The following CSNK2A1 variants were observed in gnomAD, a reference collection of about 807,000 sequenced individuals.
CSNK2A1 encodes the protein casein kinase II subunit alpha.
Under a neutral mutation model 62.9 loss-of-function variants are expected in CSNK2A1, and 10 were observed. That is an observed-to-expected ratio of 0.16 (90% CI 0.10 to 0.27). The LOEUF (loss-of-function observed/expected upper bound fraction) is 0.27, where lower values mean the gene tolerates loss of function less well. CSNK2A1 is among the 10% of genes least tolerant of loss of function. CSNK2A1 has a pLI of 1.00. For missense variants in CSNK2A1, 160 were observed against 492.0 expected (o/e 0.33, Z 6.38); for synonymous variants, 124 against 167.8 (o/e 0.74, Z 2.02).
At chr20:500,172 C>A (rs900718092) in intron 4 of CSNK2A1, 3 of 469,970 alleles carry the variant, frequency 6.4e-6, no homozygotes, top group South Asian at 5.3e-5. Context: ...CCAGACACTT[C>A]TGCAGAATTA....
intron 2 of CSNK2A1, among the ~76,000 whole-genome samples, chr20:516,421 C>T (rs1420747314): frequency 6.6e-6 from 1 of 152,052 alleles, no homozygotes; most frequent in Admixed American, 6.5e-5. Flanking sequence ...AAGATCACAT[C>T]GAAGCCAACT....
At chr20:498,333 A>AACTTTT (rs2018387222) in intron 6 of CSNK2A1, 1 of 136,108 alleles carries the variant, frequency 7.3e-6, no homozygotes. Context: ...ACATGGACAT[A>AACTTTT]TCTTTTTTTT....
At chr20:500,942 A>G (rs533543155) in intron 4 of CSNK2A1, 1 of 152,158 alleles carries the variant, frequency 6.6e-6, no homozygotes, top group Middle Eastern at 3.4e-3. Flanking sequence ...TCTAAAGAGT[A>G]TTCTGCAGAG....
At chr20:507,982 G>A (rs1328249605) in intron 3 of CSNK2A1, 1 of 153,286 alleles carries the variant, frequency 6.5e-6, no homozygotes, top group Non-Finnish European at 1.5e-5. Flanking sequence ...ACGGCTCCTA[G>A]GATACAAATG....
chr20:505,936 G>C (rs2665785), intron 3 of CSNK2A1: 6 of 144,450 alleles, frequency 4.2e-5, no homozygotes, highest in Non-Finnish European at 1.5e-5. Flanking sequence ...GTGCAGTGGC[G>C]TGATCTCGGC....
intron 1 of CSNK2A1, among the ~76,000 whole-genome samples, chr20:537,333 C>A (rs1020908271): frequency 6.6e-6 from 1 of 152,130 alleles, no homozygotes; most frequent in African/African-American, 2.4e-5. Context: ...AAGAAGCTTG[C>A]CGACCATAGC....
At chr20:484,402 C>A (rs1271195501) in intron 13 of CSNK2A1, among the ~76,000 whole-genome samples, 1 of 152,206 alleles carries the variant, frequency 6.6e-6, no homozygotes. Flanking sequence ...TGACCAGTAG[C>A]CAACCACATG....
intron 2 of CSNK2A1, among the ~76,000 whole-genome samples, chr20:525,251 C>T (rs1056160211): frequency 6.6e-6 from 1 of 151,854 alleles, no homozygotes; most frequent in African/African-American, 2.4e-5. Flanking sequence ...GTTGCTCATG[C>T]CTGTAATCCC....
intron 4 of CSNK2A1, 131 bp downstream of exon 4, chr20:504,987 T>C (rs1263979115): frequency 6.8e-6 from 5 of 733,712 alleles, no homozygotes; most frequent in African/African-American, 5.4e-5. Flanking sequence ...ATTGAGTTCA[T>C]AGGATACAAT....
At chr20:509,789 C>A (rs1230596511) in intron 2 of CSNK2A1, among the ~76,000 whole-genome samples, 2 of 152,168 alleles carry the variant, frequency 1.3e-5, no homozygotes, top group Non-Finnish European at 2.9e-5. Context: ...GTTGCCCAGG[C>A]TGGTCTTGAA....
Position 499,347 on chromosome 20 carries a change from G to A in CSNK2A1, c.316-42C>T, listed in dbSNP as rs2018410524. 1.3e-6 allele frequency: 2 copies of A among 1,580,504 alleles called. No homozygotes were observed. The highest frequency in any genetic ancestry group is 1.7e-6 in the Non-Finnish European group (2 of 1,159,458). On this transcript the variant is annotated intron_variant, in intron 5 of 13. Transcript: ENST00000217244. The surrounding 1 kb of genome is among the most constrained non-coding windows in gnomAD (Gnocchi z 4.2). ...AAAACAAAAACACACATTAGCAATA[G>A]CCCTGACAGCTTTAATGGGGACAAT...
At chr20:524,470 T>C (rs1030547032) in intron 2 of CSNK2A1, among the ~76,000 whole-genome samples, 1 of 147,286 alleles carries the variant, frequency 6.8e-6, no homozygotes, top group Non-Finnish European at 1.5e-5. Flanking sequence ...AAGAGATACA[T>C]CTAGGCCAGG....
At chr20:537,260 A>G (rs554731832) in intron 1 of CSNK2A1, among the ~76,000 whole-genome samples, 20 of 152,346 alleles carry the variant, frequency 1.3e-4, no homozygotes, top group African/African-American at 4.3e-4. Flanking sequence ...ATTTAACCCT[A>G]AAACTGTCAC....
chr20:495,897 A>G (rs528833067), intron 7 of CSNK2A1, 95 bp from the exon 8 acceptor site: 1 of 975,204 alleles, frequency 1.0e-6, no homozygotes, highest in African/African-American at 1.6e-5. Context: ...TAGCCTCACA[A>G]TACCCCTGGG....
intron 1 of CSNK2A1, among the ~76,000 whole-genome samples, chr20:535,790 G>A (rs2122653035): frequency 6.6e-6 from 1 of 151,784 alleles, no homozygotes. Flanking sequence ...CAAGTTCCTG[G>A]TCTGCCTACA....
chr20:541,968 T>C (rs1232563939), intron 1 of CSNK2A1, among the ~76,000 whole-genome samples: 1 of 152,176 alleles, frequency 6.6e-6, no homozygotes, highest in Non-Finnish European at 1.5e-5. Context: ...AGAACTAGTA[T>C]TGGTACTGGA....
At position 473,445 on chromosome 20, in the gene CSNK2A1, C is replaced by A. The variant is rs771817781; in HGVS notation, c.*10516G>T. 1 of 152,450 alleles carries A rather than the reference C, an allele frequency of 6.6e-6. No homozygotes were observed. The highest frequency in any genetic ancestry group is 2.4e-5 in the African/African-American group (1 of 41,544). 9.4% of individuals were successfully genotyped at this position (152,450 alleles called of 1,614,324 possible). A position where few individuals can be genotyped will look rare whatever the true frequency, so the allele number is the denominator to read the frequency against. ...TGCCCAGGGAAAGTTTTGTTTTGTTCCTGTTTCATTCCCCCAGATGCAAGG... is the reference window on the plus strand; with the variant it reads ...TGCCCAGGGAAAGTTTTGTTTTGTTACTGTTTCATTCCCCCAGATGCAAGG... On this transcript the variant is annotated 3_prime_UTR_variant, in exon 14 of 14. Transcript: ENST00000217244.
intron 1 of CSNK2A1, among the ~76,000 whole-genome samples, chr20:532,379 A>G (rs2019232222): frequency 7.2e-6 from 1 of 139,448 alleles, no homozygotes; most frequent in African/African-American, 2.7e-5. Context: ...GGGTTTCACC[A>G]TGTTGGCCAG....
chr20:526,997 C>CAGAGAGAGAGAGAGAGAG (rs1186187834), intron 2 of CSNK2A1: 1 of 53,938 alleles, frequency 1.9e-5, no homozygotes, highest in African/African-American at 7.5e-5. Context: ...GAGAGAGAGA[C>CAGAGAGAGAGAGAGAGAG]AGACAGAGAG....
Sources: gnomAD v4.1 joint callset for allele counts (sites outside exome capture counted in the v4.1 genomes callset) on GRCh38, gnomAD v4.1.1 for gene constraint, Gnocchi (gnomAD v3.1) non-coding constraint, MANE v1.5 for transcripts, NCBI Gene and HGNC (gene_info 2026-07-23, HGNC 2026-07-21) for gene names.